RGS8: variants seen among roughly 807,000 people sequenced by gnomAD.
The protein encoded by RGS8 is regulator of G-protein signaling 8.
RGS8 carries 8 observed loss-of-function variants against 21.7 expected under a neutral mutation model. The ratio of observed to expected loss-of-function variants is 0.37; its 90% CI spans 0.22 to 0.66. The LOEUF (loss-of-function observed/expected upper bound fraction) is 0.66, where lower values mean the gene tolerates loss of function less well. RGS8 is among the 30% of genes least tolerant of loss of function. The pLI is 0.59. For synonymous variants in RGS8, 80 were observed against 83.6 expected (o/e 0.96, Z 0.24); for missense variants, 157 against 217.9 (o/e 0.72, Z 1.76).
the RGS8 span, among the ~76,000 whole-genome samples, chr1:182,696,517 C>T: frequency 2.0e-5 from 3 of 152,160 alleles, no homozygotes; most frequent in East Asian, 5.8e-4. Context: ...ACCACCACAC[C>T]TGGCTAATTT....
At chr1:182,724,469 G>A in the RGS8 span, among the ~76,000 whole-genome samples, 150,481 of 151,822 alleles carry the variant, frequency 0.99, 74,580 homozygotes, top group Middle Eastern at 1. Context: ...CAGTTAGGTT[G>A]CAGTTCACTA....
chr1:182,683,521 C>T (rs1381363424), intron 1 of RGS8, among the ~76,000 whole-genome samples: 13 of 151,220 alleles, frequency 8.6e-5, no homozygotes, highest in Admixed American at 8.6e-4. Flanking sequence ...AGGTCAGGAC[C>T]TACAAACACT....
intron 5 of RGS8, among the ~76,000 whole-genome samples, chr1:182,656,729 G>T (rs559189848): frequency 2.9e-4 from 44 of 152,336 alleles, no homozygotes; most frequent in Non-Finnish European, 5.0e-4. Context: ...TTGAGAGATG[G>T]GAAAGGAGGG....
chr1:182,662,824 C>T (rs1663659883), intron 5 of RGS8, among the ~76,000 whole-genome samples: 1 of 152,174 alleles, frequency 6.6e-6, no homozygotes, highest in Non-Finnish European at 1.5e-5. Context: ...TTTGTGCTTC[C>T]CCTCCTCCAG....
At chr1:182,667,318 T>C (rs1447018789) in intron 3 of RGS8, among the ~76,000 whole-genome samples, 2 of 152,212 alleles carry the variant, frequency 1.3e-5, no homozygotes, top group Non-Finnish European at 2.9e-5. Context: ...CATTTTGCTT[T>C]TCCACAAGGA....
At chr1:182,713,373 G>A in the RGS8 span, among the ~76,000 whole-genome samples, 1 of 151,850 alleles carries the variant, frequency 6.6e-6, no homozygotes, top group Non-Finnish European at 1.5e-5. Flanking sequence ...TAGTAGAGAT[G>A]GGGTTTCACC....
At chr1:182,748,378 G>T in the RGS8 span, among the ~76,000 whole-genome samples, 1 of 152,270 alleles carries the variant, frequency 6.6e-6, no homozygotes, top group East Asian at 1.9e-4. Context: ...GTCTTTCTGT[G>T]CCCAGCTTAT....
chr1:182,651,735 C>T (rs990905739), intron 5 of RGS8, among the ~76,000 whole-genome samples: 2 of 152,194 alleles, frequency 1.3e-5, no homozygotes, highest in Non-Finnish European at 2.9e-5. Flanking sequence ...AGACAGCCAG[C>T]CTGCCTGCCA....
the RGS8 span, among the ~76,000 whole-genome samples, chr1:182,716,626 T>C: frequency 8.5e-5 from 13 of 152,158 alleles, no homozygotes; most frequent in South Asian, 2.3e-3. Flanking sequence ...GATCAGAAAA[T>C]TGAGAAACAG....
the RGS8 span, among the ~76,000 whole-genome samples, chr1:182,723,773 A>C: frequency 6.6e-6 from 1 of 152,162 alleles, no homozygotes; most frequent in Non-Finnish European, 1.5e-5. Context: ...AGTGTATATA[A>C]ATTGTTCCTT....
the RGS8 span, among the ~76,000 whole-genome samples, chr1:182,723,353 A>G: frequency 6.6e-6 from 1 of 152,100 alleles, no homozygotes; most frequent in Non-Finnish European, 1.5e-5. Flanking sequence ...CCAAGCTCAC[A>G]CATGAAGTTG....
At chr1:182,736,899 G>A in the RGS8 span, among the ~76,000 whole-genome samples, 3 of 152,246 alleles carry the variant, frequency 2.0e-5, no homozygotes, top group South Asian at 6.2e-4. Flanking sequence ...AGGGACTAAG[G>A]GCAGTATATT....
intron 2 of RGS8, 83 bp from the exon 4 acceptor site, chr1:182,669,835 A>C: frequency 4.3e-6 from 6 of 1,406,796 alleles, no homozygotes; most frequent in Non-Finnish European, 5.6e-6. Context: ...GGTTTCCGCC[A>C]GCGGAACACC....
the RGS8 span, among the ~76,000 whole-genome samples, chr1:182,742,000 G>A: frequency 6.8e-6 from 1 of 146,372 alleles, no homozygotes. Flanking sequence ...CGGTTGCCAG[G>A]CAGAGGGTCT....
At chr1:182,711,567 C>T in the RGS8 span, among the ~76,000 whole-genome samples, 3 of 152,316 alleles carry the variant, frequency 2.0e-5, no homozygotes, top group Non-Finnish European at 4.4e-5. Flanking sequence ...GCTGGGAACA[C>T]ATACCAGCAA....
intron 5 of RGS8, chr1:182,658,460 C>T (rs1663393039): frequency 6.6e-6 from 1 of 152,194 alleles, no homozygotes; most frequent in South Asian, 2.1e-4. Context: ...AACCAGAGTC[C>T]TCTTGTATCC....
chr1:182,669,063 G>T (rs1244638076), intron 3 of RGS8, among the ~76,000 whole-genome samples: 1 of 152,162 alleles, frequency 6.6e-6, no homozygotes, highest in African/African-American at 2.4e-5. Context: ...CCAGTGTAAA[G>T]GATGCTACTT....
chr1:182,709,855 T>G, the RGS8 span, among the ~76,000 whole-genome samples: 2 of 152,308 alleles, frequency 1.3e-5, no homozygotes, highest in East Asian at 3.9e-4. Context: ...ACCTATCCCT[T>G]AGGGTCATTA....
At chr1:182,678,657 C>T (rs1664445797) in intron 1 of RGS8, among the ~76,000 whole-genome samples, 1 of 152,206 alleles carries the variant, frequency 6.6e-6, no homozygotes, top group African/African-American at 2.4e-5. Flanking sequence ...AATTCAGGGC[C>T]ATATGTTAAC....
Sources: gnomAD v4.1 joint callset for allele counts (sites outside exome capture counted in the v4.1 genomes callset) on GRCh38, gnomAD v4.1.1 for gene constraint, MANE v1.5 for transcripts, NCBI Gene and HGNC (gene_info 2026-07-23, HGNC 2026-07-21) for gene names.